The following MYRFL variants were observed in gnomAD, a reference collection of about 807,000 sequenced individuals.
MYRFL encodes the protein myelin regulatory factor-like protein.
MYRFL carries 88 observed loss-of-function variants against 109.4 expected under a neutral mutation model. The ratio of observed to expected loss-of-function variants is 0.80; its 90% confidence interval spans 0.68 to 0.96. The LOEUF is 0.96. Ranked by LOEUF, MYRFL falls within the 40% of genes least tolerant of loss-of-function variation. The pLI is 0.00. For missense variants in MYRFL, 957 were observed against 954.9 expected (o/e 1.00, Z -0.03); for synonymous variants, 324 against 320.9 (o/e 1.01, Z -0.10).
intron 11 of MYRFL, among the ~76,000 whole-genome samples, chr12:69,907,180 A>G (rs1002171314): frequency 2.7e-4 from 41 of 152,234 alleles, no homozygotes; most frequent in African/African-American, 9.2e-4. Context: ...TGGGAAGACT[A>G]TAAGTCCAGA....
chr12:69,910,319 GC>G (rs1954518139), intron 12 of MYRFL, among the ~76,000 whole-genome samples: 1 of 152,072 alleles, frequency 6.6e-6, no homozygotes, highest in Non-Finnish European at 1.5e-5. Flanking sequence ...TAGTTTCTTT[GC>G]ACAGGAGTCC....
At chr12:69,865,659 G>A (rs949284701) in intron 2 of MYRFL, among the ~76,000 whole-genome samples, 1 of 152,124 alleles carries the variant, frequency 6.6e-6, no homozygotes, top group African/African-American at 2.4e-5. Flanking sequence ...ACCATACTTT[G>A]GGGTATTGTG....
rs73324218 is a variant in MYRFL, at chr12:69,953,741, C to A, written c.2375+855C>A. 6.9e-3 allele frequency among the ~76,000 whole-genome samples: 1,024 copies of A among 148,510 alleles called. 12 individuals carry two copies. Among genetic ancestry groups the A allele is most frequent in the African/African-American group, 0.024 (950 of 40,216 alleles). ...GTGTGTTTGCACCACTGTACTCCAG[C>A]CTGGATGACAAAGTGCAACCCGGAC... On this transcript the variant is annotated intron_variant, in intron 21 of 24. Transcript: ENST00000552032.
intron 1 of MYRFL, among the ~76,000 whole-genome samples, chr12:69,831,614 A>G (rs1274694284): frequency 6.6e-6 from 1 of 152,178 alleles, no homozygotes; most frequent in Non-Finnish European, 1.5e-5. Flanking sequence ...ATTATCTCAA[A>G]ATGTTGTGAA....
intron 13 of MYRFL, among the ~76,000 whole-genome samples, chr12:69,914,813 T>C (rs1198878527): frequency 6.6e-6 from 1 of 152,134 alleles, no homozygotes; most frequent in East Asian, 1.9e-4. Context: ...GTTTATAAAT[T>C]GGTAAAACTC....
intron 16 of MYRFL, among the ~76,000 whole-genome samples, chr12:69,933,367 C>T (rs1955332506): frequency 6.6e-6 from 1 of 152,106 alleles, no homozygotes; most frequent in Non-Finnish European, 1.5e-5. Flanking sequence ...TTGAGTGCAC[C>T]TGTTTTTTTC....
At chr12:69,853,926 C>T (rs1884091406) in intron 1 of MYRFL, among the ~76,000 whole-genome samples, 1 of 152,180 alleles carries the variant, frequency 6.6e-6, no homozygotes, top group African/African-American at 2.4e-5. Flanking sequence ...AGAGATGCTC[C>T]TCACTTCCCA....
At chr12:69,922,782 AT>A (rs1351950146) in intron 13 of MYRFL, among the ~76,000 whole-genome samples, 2 of 152,194 alleles carry the variant, frequency 1.3e-5, no homozygotes, top group African/African-American at 2.4e-5. Context: ...TTGTTTTTAC[AT>A]GTGTATGTAT....
At chr12:69,877,924 G>C (rs1230119714) in intron 2 of MYRFL, among the ~76,000 whole-genome samples, 75 of 152,092 alleles carry the variant, frequency 4.9e-4, no homozygotes, top group Admixed American at 4.8e-3. Context: ...CACTTCTTTA[G>C]TGGTAGTACA....
At position 69,879,085 on chromosome 12, in the gene MYRFL, G is replaced by A; in HGVS notation, c.195G>A (p.Pro65=). The A allele has an allele frequency of 2.8e-6, 2 of 702,920 alleles. No individual in the cohort carries two copies. The highest frequency in any genetic ancestry group is 5.2e-6 in the Non-Finnish European group (2 of 384,828). The allele number at this position is 702,920 out of a possible 1,614,324, so 43.5% of individuals were successfully genotyped here. ...CTGCATCCGACTCATGCTCTCCTCC[G>A]CAGGTCAAAGGTGAGTGCGATCCAC... ...PYSASDSCSP[P]QVKGACYPTL... The change falls in exon 3 of 25, where the codon CCG becomes CCA. Residue 65 remains proline (P), a synonymous_variant. Transcript: ENST00000552032.
chr12:69,880,293 G>A lies in MYRFL; in HGVS notation c.556+1G>A, dbSNP rs1343512327. 2 of 702,458 alleles carry A rather than the reference G, an allele frequency of 2.8e-6. No individual in the cohort carries two copies. Among genetic ancestry groups the A allele is most frequent in the Non-Finnish European group, 5.2e-6 (2 of 384,734 alleles). 43.5% of individuals were successfully genotyped at this position (702,458 alleles called of 1,614,324 possible). A position where few individuals can be genotyped will look rare whatever the true frequency, so the allele number is the denominator to read the frequency against. ...GTGTGGGCCTGCCACTGCAGACCGA[G>A]TGAGCAAACCTGGGTGGGAACAAGG... On this transcript the variant is annotated splice_donor_variant, in intron 5 of 24. Transcript: ENST00000552032. LOFTEE classifies it high-confidence loss of function.
At chr12:69,943,740 A>G (rs1955742228) in intron 19 of MYRFL, among the ~76,000 whole-genome samples, 1 of 141,770 alleles carries the variant, frequency 7.1e-6, no homozygotes, top group Non-Finnish European at 1.5e-5. Flanking sequence ...ATCAGAGTGA[A>G]CAGGCAACCT....
chr12:69,899,657 A>AT (rs1168780313), intron 10 of MYRFL, among the ~76,000 whole-genome samples: 1 of 152,120 alleles, frequency 6.6e-6, no homozygotes, highest in Non-Finnish European at 1.5e-5. Context: ...GCATTTTACT[A>AT]TTTGGTAAGG....
At chr12:69,914,935 A>C (rs927441980) in intron 13 of MYRFL, among the ~76,000 whole-genome samples, 11 of 152,160 alleles carry the variant, frequency 7.2e-5, no homozygotes, top group African/African-American at 2.7e-4. Context: ...CTGTAACACC[A>C]CAAGCAAGTG....
chr12:69,899,508 G>A (rs1331308752), intron 10 of MYRFL, among the ~76,000 whole-genome samples: 5 of 152,236 alleles, frequency 3.3e-5, no homozygotes, highest in South Asian at 2.1e-4. Context: ...TTTAAGCTCC[G>A]GAATGAAGAA....
intron 1 of MYRFL, among the ~76,000 whole-genome samples, chr12:69,840,857 C>T (rs977603939): frequency 1.2e-4 from 19 of 152,126 alleles, no homozygotes; most frequent in African/African-American, 3.9e-4. Context: ...AGAAAACCCA[C>T]GTGGGGGTTG....
In MYRFL at chr12:69,909,990, A is replaced by G; in HGVS notation, c.1405A>G (p.Lys469Glu). 1 of 1,532,788 alleles carries G rather than the reference A, an allele frequency of 6.5e-7. No individual in the cohort carries two copies. Among genetic ancestry groups the G allele is most frequent in the African/African-American group, 1.4e-5 (1 of 72,986 alleles). 94.9% of individuals were successfully genotyped at this position (1,532,788 alleles called of 1,614,324 possible). ...IQEVDTNEQL[K>E]RIAQMRIVEY... ...TTAGGTTGACACGAATGAACAGCTG[A>G]AAAGAATAGCCCAAATGAGAATTGT... The change falls in exon 12 of 25, where the codon AAA becomes GAA. Residue 469 changes from lysine (K) to glutamate (E), a missense_variant. Lys to Glu is a moderately conservative substitution (Grantham distance 56). Transcript: ENST00000552032.
At chr12:69,883,726 AATT>A (rs1488187783) in intron 5 of MYRFL, among the ~76,000 whole-genome samples, 5 of 151,084 alleles carry the variant, frequency 3.3e-5, no homozygotes, top group Admixed American at 2.6e-4. Flanking sequence ...AAAAAAAAAA[AATT>A]AGCCGATGTG....
chr12:69,853,374 C>T (rs1303010523), intron 1 of MYRFL, among the ~76,000 whole-genome samples: 3 of 147,368 alleles, frequency 2.0e-5, no homozygotes, highest in South Asian at 2.2e-4. Flanking sequence ...GGCTGCCGGG[C>T]GGAGGGGCTC....
Sources: allele counts gnomAD v4.1 joint callset (sites outside exome capture counted in the v4.1 genomes callset), GRCh38; gene constraint gnomAD v4.1.1; transcripts MANE v1.5; gene names NCBI Gene and HGNC (gene_info 2026-07-23, HGNC 2026-07-21).